MNDA: variants seen among roughly 807,000 people sequenced by gnomAD.
The protein encoded by MNDA is myeloid cell nuclear differentiation antigen.
A neutral mutation model predicts 37.8 loss-of-function variants in MNDA; 43 were observed. That is an observed-to-expected ratio of 1.14 (90% confidence interval 0.89 to 1.47). The LOEUF (loss-of-function observed/expected upper bound fraction) is 1.47. MNDA is among the 40% of genes most tolerant of loss of function. The probability of loss-of-function intolerance (pLI) is 0.00; values close to 1 mark genes in which losing one functional copy is unlikely to be tolerated. For missense variants in MNDA, 536 were observed against 476.0 expected (o/e 1.13, Z -1.17); for synonymous variants, 181 against 169.0 (o/e 1.07, Z -0.55).
At chr1:158,833,580 A>T (rs7545956) in intron 1 of MNDA, among the ~76,000 whole-genome samples, 28,700 of 152,092 alleles carry the variant, frequency 0.19, 2,898 homozygotes, top group Admixed American at 0.27. Context: ...TCATACAGTA[A>T]GCGTGTGCTT....
At chr1:158,842,487 T>C in intron 2 of MNDA, 69 bp downstream of exon 2, 1 of 1,505,264 alleles carries the variant, frequency 6.6e-7, no homozygotes, top group Non-Finnish European at 9.0e-7. Flanking sequence ...GAACCCCACC[T>C]TGGTCATAGC....
chr1:158,844,152 T>A, intron 4 of MNDA, 30 bp downstream of exon 4: 1 of 1,492,670 alleles, frequency 6.7e-7, no homozygotes, highest in Non-Finnish European at 9.0e-7. Context: ...CTTCTCCATT[T>A]TTTTTTAACC....
At position 158,842,376 on chromosome 1, in the gene MNDA, C is replaced by T. The variant is rs774756701; in HGVS notation, c.223C>T (p.Leu75Phe). The T allele has an allele frequency of 4.3e-6, 7 of 1,612,742 alleles. No homozygotes were observed. In the East Asian group the frequency reaches 1.6e-4, roughly 36 times the overall value. Residue 75 changes from leucine to phenylalanine, a missense_variant, in exon 2 of 7, where the codon CTT becomes TTT. By Grantham distance (22) the Leu-to-Phe change is conservative. Transcript: ENST00000368141. ...AGAACTTGCCAAAGATATGCCATCACTTAAAAACCTTGTTAACAATCTTCG... is the reference window on the plus strand; with the variant it reads ...AGAACTTGCCAAAGATATGCCATCATTTAAAAACCTTGTTAACAATCTTCG... ...LIELAKDMPSLKNLVNNLRKE... is the reference protein window; with the variant it reads ...LIELAKDMPSFKNLVNNLRKE...
At chr1:158,832,668 T>C (rs908653948) in intron 1 of MNDA, among the ~76,000 whole-genome samples, 4 of 151,776 alleles carry the variant, frequency 2.6e-5, no homozygotes, top group Non-Finnish European at 4.4e-5. Flanking sequence ...AGTGAAACTA[T>C]GTACTGATAC....
rs1659044424 is a variant in MNDA at position 158,842,332 on chromosome 1, C to A, written c.179C>A (p.Ala60Asp). The part of the protein sequence containing the change: ...DLMEKKFQGV[A>D]CLDKLIELAK... ...ATGGAAAAAAAGTTCCAAGGCGTTG[C>A]CTGTCTAGACAAACTAATAGAACTT... is the stretch of plus-strand genomic sequence containing the variant. The change falls in exon 2 of 7, where the codon GCC becomes GAC. Residue 60 changes from alanine (A) to aspartate (D), a missense_variant. Transcript: ENST00000368141. 1 of 1,613,992 alleles carries A rather than the reference C, an allele frequency of 6.2e-7. No homozygotes were observed. The highest frequency in any genetic ancestry group is 1.7e-5 in the Admixed American group (1 of 59,992).
chr1:158,846,016 T>C lies in MNDA; in HGVS notation c.987+13T>C. ...TATGTTACAAAAGGTAAACCCTTAATTTTGTTTTAATTTTCTCTACCATTA... is the reference window on the plus strand; with the variant it reads ...TATGTTACAAAAGGTAAACCCTTAACTTTGTTTTAATTTTCTCTACCATTA... On this transcript the variant is annotated intron_variant, in intron 5 of 6. Coordinates refer to ENST00000368141, the MANE Select transcript of MNDA (RefSeq NM_002432.3). The C allele has an allele frequency of 6.4e-7, 1 of 1,568,400 alleles. No individual in the cohort carries two copies. Among genetic ancestry groups the C allele is most frequent in the East Asian group, 2.3e-5 (1 of 44,386 alleles).
intron 4 of MNDA, 141 bp from the exon 5 acceptor site, chr1:158,845,446 T>C: frequency 1.3e-6 from 1 of 756,368 alleles, no homozygotes; most frequent in Non-Finnish European, 2.1e-6. Flanking sequence ...TTCACCATGT[T>C]AGCCAGGATG....
intron 1 of MNDA, among the ~76,000 whole-genome samples, chr1:158,834,571 C>T (rs1419697048): frequency 1.3e-5 from 2 of 151,984 alleles, no homozygotes; most frequent in Non-Finnish European, 2.9e-5. Context: ...TCTAGGTTCC[C>T]TTTTTTACTC....
Position 158,831,372 on chromosome 1 carries a change from A to G in MNDA, c.-206A>G, listed in dbSNP as rs529980212. 5.9e-5 allele frequency: 9 copies of G among 152,324 alleles called. No individual in the cohort carries two copies. In the East Asian group the frequency reaches 1.5e-3, roughly 26 times the overall value. The allele number at this position is 152,324 out of a possible 1,614,324, so 9.4% of individuals were successfully genotyped here. A position where few individuals can be genotyped will look rare whatever the true frequency, so the allele number is the denominator to read the frequency against. The stretch of plus-strand genomic sequence containing the variant: ...GGACAGTGTAAGAAGGCCATCTACA[A>G]TCAAGATTGAGAGTGGCTCTAACAA... On this transcript the variant is annotated 5_prime_UTR_variant, in exon 1 of 7. Transcript: ENST00000368141.
intron 1 of MNDA, among the ~76,000 whole-genome samples, chr1:158,838,144 T>C (rs1290505722): frequency 6.6e-6 from 1 of 151,970 alleles, no homozygotes; most frequent in Non-Finnish European, 1.5e-5. Context: ...AAAAGTCATG[T>C]TTCATGTTTA....
chr1:158,833,007 A>G (rs553485787), intron 1 of MNDA, among the ~76,000 whole-genome samples: 62 of 152,218 alleles, frequency 4.1e-4, no homozygotes, highest in African/African-American at 1.4e-3. Flanking sequence ...ATTTTTAAAA[A>G]ATCTATATTC....
intron 1 of MNDA, among the ~76,000 whole-genome samples, chr1:158,839,340 G>T (rs2102047636): frequency 6.6e-6 from 1 of 152,210 alleles, no homozygotes; most frequent in South Asian, 2.1e-4. Context: ...TATACACACT[G>T]CTTTTAATCT....
chr1:158,848,249 G>C (rs1408557456), intron 6 of MNDA, among the ~76,000 whole-genome samples: 7 of 152,156 alleles, frequency 4.6e-5, no homozygotes, highest in Non-Finnish European at 5.9e-5. Context: ...TGATATTGGG[G>C]AAACAGTTTC....
intron 4 of MNDA, among the ~76,000 whole-genome samples, chr1:158,845,208 A>G (rs984219855): frequency 2.9e-5 from 4 of 136,480 alleles, no homozygotes; most frequent in African/African-American, 1.1e-4. Context: ...TTCCTGCTCA[A>G]AGTTTTTGTT....
At position 158,842,068 on chromosome 1, in the gene MNDA, G is replaced by A; in HGVS notation, c.-20-66G>A. ...TGGCCTGGGACACTCACTCACAAAA[G>A]CATATCTCATTTTTTAAAATTGTCT... is the stretch of plus-strand genomic sequence containing the variant. On this transcript the variant is annotated intron_variant, in intron 1 of 6. Coordinates refer to ENST00000368141, the MANE Select transcript of MNDA (RefSeq NM_002432.3). 7.0e-6 allele frequency: 10 copies of A among 1,420,702 alleles called. No individual in the cohort carries two copies. The South Asian group carries it at 1.1e-4, about 16-fold the overall frequency. The allele number at this position is 1,420,702 out of a possible 1,614,324, so 88.0% of individuals were successfully genotyped here.
intron 1 of MNDA, among the ~76,000 whole-genome samples, chr1:158,838,349 A>G (rs1658963030): frequency 6.6e-6 from 1 of 152,052 alleles, no homozygotes; most frequent in Non-Finnish European, 1.5e-5. Flanking sequence ...CAGGTTTCCC[A>G]GATATAGCAT....
Position 158,845,522 on chromosome 1 carries a change from G to A in MNDA, c.571-65G>A, listed in dbSNP as rs979733655. 12 of 1,510,616 alleles carry A rather than the reference G, an allele frequency of 7.9e-6. No individual in the cohort carries two copies. In the African/African-American group the frequency reaches 1.1e-4, roughly 14 times the overall value. 93.6% of individuals were successfully genotyped at this position (1,510,616 alleles called of 1,614,324 possible). A position where few individuals can be genotyped will look rare whatever the true frequency, so the allele number is the denominator to read the frequency against. On this transcript the variant is annotated intron_variant, in intron 4 of 6. Transcript: ENST00000368141. ...CCCAAAGTGCTAGGATTACAGGCGT[G>A]AGCCACCGCGCCCGGCCTCCTGCTC...
chr1:158,848,808 A>C (rs1267701123), intron 6 of MNDA, among the ~76,000 whole-genome samples: 1 of 152,136 alleles, frequency 6.6e-6, no homozygotes, highest in Admixed American at 6.6e-5. Flanking sequence ...TTGGAAATTC[A>C]GGAATTATAT....
At chr1:158,833,043 ACT>A (rs1198601461) in intron 1 of MNDA, among the ~76,000 whole-genome samples, 16 of 152,032 alleles carry the variant, frequency 1.1e-4, no homozygotes, top group African/African-American at 3.9e-4. Flanking sequence ...CCCTTAGCAA[ACT>A]CTCACATCTT....
Sources: allele counts gnomAD v4.1 joint callset (sites outside exome capture counted in the v4.1 genomes callset), GRCh38; gene constraint gnomAD v4.1.1; transcripts MANE v1.5; gene names NCBI Gene and HGNC (gene_info 2026-07-23, HGNC 2026-07-21).